Variants in UGT3A1 observed in about 807,000 individuals in gnomAD.
UGT3A1 encodes UDP glycosyltransferase family 3 member A1.
In UGT3A1, 40 loss-of-function variants were observed where a neutral mutation model predicts 37.6. The observed-to-expected ratio is 1.06, with a 90% CI of 0.83 to 1.38. The LOEUF (loss-of-function observed/expected upper bound fraction) is 1.38. Ranked by LOEUF, UGT3A1 falls within the 40% of genes most tolerant of loss-of-function variation. The pLI is 0.00. For missense variants in UGT3A1, 642 were observed against 634.2 expected (o/e 1.01, Z -0.13); for synonymous variants, 256 against 232.3 (o/e 1.10, Z -0.93).
At chr5:35,964,791 G>A (rs930078369) in intron 4 of UGT3A1, among the ~76,000 whole-genome samples, 14 of 152,232 alleles carry the variant, frequency 9.2e-5, no homozygotes, top group African/African-American at 1.7e-4. Context: ...TTCTATAGCA[G>A]TGGTTCTGAG....
At chr5:35,958,129 ATAT>A (rs1207172091) in intron 4 of UGT3A1, among the ~76,000 whole-genome samples, 2 of 152,272 alleles carry the variant, frequency 1.3e-5, no homozygotes, top group African/African-American at 2.4e-5. Context: ...GATACTTATA[ATAT>A]TATAATTATG....
chr5:35,978,050 T>C lies in UGT3A1; in HGVS notation c.197-9917A>G, dbSNP rs188006409. Among the ~76,000 whole-genome samples, 89 of 152,332 alleles carry C rather than the reference T, an allele frequency of 5.8e-4. 1 individual carries two copies. The highest frequency in any genetic ancestry group is 1.1e-3 in the Non-Finnish European group (77 of 68,036). On this transcript the variant is annotated intron_variant, in intron 2 of 6. Transcript: ENST00000274278. ...TGTTTCAATTTTTACTTTTTTTCTA[T>C]TTGAGACAGAGTCTCACTTTGTCAC...
intron 2 of UGT3A1, among the ~76,000 whole-genome samples, chr5:35,974,783 C>T (rs141178097): frequency 3.3e-4 from 50 of 152,268 alleles, no homozygotes; most frequent in Non-Finnish European, 1.5e-4. Context: ...CTAACAAGGT[C>T]AGCAATACAC....
At chr5:35,985,080 A>AT (rs1491247413) in intron 2 of UGT3A1, among the ~76,000 whole-genome samples, 2 of 4,640 alleles carry the variant, frequency 4.3e-4, no homozygotes, top group African/African-American at 1.3e-3. Context: ...CATAAAATAT[A>AT]AAAAAAAAAA....
In UGT3A1 at chr5:35,980,752, C is replaced by A. The variant is rs371926585; in HGVS notation, c.196+7698G>T. 1.1e-4 allele frequency among the ~76,000 whole-genome samples: 17 copies of A among 152,262 alleles called. 1 individual carries two copies. The highest frequency in any genetic ancestry group is 8.3e-4 in the South Asian group (4 of 4,828). ...TTATCTATCCATGGGTTCTGATATT[C>A]AGAAGAAAGACAATTTTACTTTATT... On this transcript the variant is annotated intron_variant, in intron 2 of 6. Transcript: ENST00000274278.
intron 4 of UGT3A1, among the ~76,000 whole-genome samples, chr5:35,964,004 T>TA (rs1221001070): frequency 2.0e-5 from 3 of 152,104 alleles, no homozygotes; most frequent in Non-Finnish European, 4.4e-5. Flanking sequence ...TTTGGGAAGA[T>TA]AAAAAAATGT....
chr5:35,973,175 A>G (rs1470792823), intron 2 of UGT3A1, among the ~76,000 whole-genome samples: 1 of 152,222 alleles, frequency 6.6e-6, no homozygotes, highest in African/African-American at 2.4e-5. Context: ...CTTTTGCATG[A>G]GAAACTGTAC....
chr5:35,971,261 A>G (rs1469594937), intron 2 of UGT3A1, among the ~76,000 whole-genome samples: 1 of 152,150 alleles, frequency 6.6e-6, no homozygotes, highest in South Asian at 2.1e-4. Context: ...GACATATTAT[A>G]TATACAAAGG....
At chr5:35,988,357 A>T (rs1055873102) in intron 2 of UGT3A1, 93 bp downstream of exon 2, 1 of 865,142 alleles carries the variant, frequency 1.2e-6, no homozygotes, top group African/African-American at 1.7e-5. Context: ...GACTAGATTC[A>T]AAGAAGTTTT....
At chr5:35,988,413 G>A (rs1448408705) in intron 2 of UGT3A1, 37 bp downstream of exon 2, 4 of 1,471,672 alleles carry the variant, frequency 2.7e-6, no homozygotes, top group Non-Finnish European at 3.7e-6. Context: ...TTTGCTTAGA[G>A]TAAAAGAATA....
intron 2 of UGT3A1, among the ~76,000 whole-genome samples, chr5:35,977,265 A>G (rs1476205538): frequency 6.6e-6 from 1 of 152,242 alleles, no homozygotes; most frequent in Non-Finnish European, 1.5e-5. Flanking sequence ...CTAAATAAAC[A>G]CATTTTAGTA....
intron 3 of UGT3A1, 50 bp from the exon 4 acceptor site, chr5:35,965,967 A>T: frequency 7.4e-7 from 1 of 1,356,940 alleles, no homozygotes; most frequent in East Asian, 2.5e-5. Flanking sequence ...GTAATTTTAC[A>T]GTATTTGGGA....
At chr5:35,962,697 C>T in intron 4 of UGT3A1, 2 of 572,332 alleles carry the variant, frequency 3.5e-6, no homozygotes, top group Non-Finnish European at 6.3e-6. Flanking sequence ...TGTCCAGCTG[C>T]CAGATGGTAT....
chr5:35,968,259 G>C, intron 2 of UGT3A1, 126 bp from the exon 3 acceptor site: 1 of 630,662 alleles, frequency 1.6e-6, no homozygotes, highest in Non-Finnish European at 2.6e-6. Context: ...GTTTTATGTT[G>C]ATTTGGTTTT....
intron 2 of UGT3A1, among the ~76,000 whole-genome samples, chr5:35,986,247 T>C (rs981715319): frequency 1.3e-5 from 2 of 152,120 alleles, no homozygotes; most frequent in African/African-American, 4.8e-5. Context: ...ACAGCTGCTA[T>C]GGAAAACTCT....
upstream of UGT3A1, among the ~76,000 whole-genome samples, chr5:35,994,769 G>C (rs16902682): frequency 0.018 from 2,774 of 152,192 alleles, 104 homozygotes; most frequent in African/African-American, 0.064. Context: ...ATCCCAACTT[G>C]GTGAAATCCA....
chr5:35,968,169 A>G, intron 2 of UGT3A1, 36 bp from the exon 3 acceptor site: 1 of 1,237,182 alleles, frequency 8.1e-7, no homozygotes, highest in Non-Finnish European at 1.2e-6. Context: ...AGGTAAATAT[A>G]TCATACAACA....
rs1360574429 is a variant in UGT3A1, at chr5:35,955,627, G to T, written c.1295+18C>A. 6.2e-7 allele frequency: 1 copy of T among 1,613,640 alleles called. No individual in the cohort carries two copies. The highest frequency in any genetic ancestry group is 8.5e-7 in the Non-Finnish European group (1 of 1,179,638). On this transcript the variant is annotated intron_variant, in intron 6 of 6. Coordinates refer to ENST00000274278, the MANE Select transcript of UGT3A1 (RefSeq NM_152404.4). Reference sequence around the variant, plus strand: ...CTTCATTCAGCCTTAGTGACCACATGCTTAGAGAGCCACATACCTCTTGTC... The same window carrying T: ...CTTCATTCAGCCTTAGTGACCACATTCTTAGAGAGCCACATACCTCTTGTC...
chr5:35,983,997 C>A (rs918777547), intron 2 of UGT3A1, among the ~76,000 whole-genome samples: 9 of 152,054 alleles, frequency 5.9e-5, no homozygotes, highest in African/African-American at 2.2e-4. Context: ...TGAAATAAGA[C>A]AAGGATGCCC....
Sources: allele counts gnomAD v4.1 joint callset (sites outside exome capture counted in the v4.1 genomes callset), GRCh38; gene constraint gnomAD v4.1.1; transcripts MANE v1.5; gene names NCBI Gene and HGNC (gene_info 2026-07-23, HGNC 2026-07-21).